The following PRICKLE4 variants were observed in gnomAD, a reference collection of about 807,000 sequenced individuals.
PRICKLE4 encodes the protein prickle-like protein 4.
PRICKLE4 carries 40 observed loss-of-function variants against 43.5 expected under a neutral mutation model. The ratio of observed to expected loss-of-function variants is 0.92; its 90% CI spans 0.71 to 1.20. The LOEUF (loss-of-function observed/expected upper bound fraction) is 1.20. Among genes scored for constraint, PRICKLE4 ranks in the 50% most tolerant of loss-of-function variants. PRICKLE4 has a pLI of 0.00. For synonymous variants in PRICKLE4, 208 were observed against 197.4 expected, an observed-to-expected ratio of 1.05 and a Z score of -0.45; for missense variants, 527 against 491.2, an observed-to-expected ratio of 1.07 and a Z score of -0.69.
intron 6 of PRICKLE4, 134 bp downstream of exon 6, chr6:41,785,674 C>T (rs1772631264): frequency 1.1e-6 from 1 of 949,052 alleles, no homozygotes; most frequent in Non-Finnish European, 1.5e-6. Context: ...CTGGGACTAC[C>T]AAGTTCCCTG....
Position 41,787,081 on chromosome 6 carries a change from C to T in PRICKLE4, c.1107C>T (p.Leu369=), listed in dbSNP as rs1772675019. ...LPQSWKTPGS[L]QAEDSNASKT... is the part of the protein sequence containing the mutation. ...AGTCCTGGAAGACCCCCGGAAGCCT[C>T]CAAGCAGAGGACAGCAACGCCTCTA... is the stretch of plus-strand genomic sequence containing the variant. Residue 369 remains leucine (L), a synonymous_variant, in exon 8 of 8, where the codon CTC becomes CTT. Coordinates refer to ENST00000458694, the MANE Select transcript of PRICKLE4 (RefSeq NM_013397.6). 6.2e-7 allele frequency: 1 copy of T among 1,612,462 alleles called. No homozygotes were observed. Among genetic ancestry groups the T allele is most frequent in the East Asian group, 2.2e-5 (1 of 44,850 alleles).
chr6:41,786,101 G>A, intron 6 of PRICKLE4, 27 bp from the exon 7 acceptor site: 2 of 1,595,474 alleles, frequency 1.3e-6, no homozygotes, highest in South Asian at 1.1e-5. Context: ...TGAATGAAAC[G>A]TTCCCCTCTC....
chr6:41,785,557 A>G lies in PRICKLE4; in HGVS notation c.582+17A>G, dbSNP rs1772629243. On this transcript the variant is annotated intron_variant, in intron 6 of 7. Transcript: ENST00000458694. Reference sequence around the variant, plus strand: ...TGTGACCAGGTACAGCCTGGAGGGGAGGAACTGGGGGTCTGCCCAGAGTCC... The same window carrying G: ...TGTGACCAGGTACAGCCTGGAGGGGGGGAACTGGGGGTCTGCCCAGAGTCC... 6.2e-7 allele frequency: 1 copy of G among 1,608,670 alleles called. No homozygotes were observed. Among genetic ancestry groups the G allele is most frequent in the African/African-American group, 1.3e-5 (1 of 74,870 alleles).
chr6:41,781,467 C>G lies in PRICKLE4; in HGVS notation c.-66C>G, dbSNP rs995827406. 15 of 152,834 alleles carry G rather than the reference C, an allele frequency of 9.8e-5. No individual in the cohort carries two copies. Among genetic ancestry groups the G allele is most frequent in the African/African-American group, 3.4e-4 (14 of 41,566 alleles). 9.5% of individuals were successfully genotyped at this position (152,834 alleles called of 1,614,324 possible). Reference sequence around the variant, plus strand: ...CTACTCCTGGTGTGAACAGCCCATCCTGGCCACCTTCCACAGGAAACCTGA... The same window carrying G: ...CTACTCCTGGTGTGAACAGCCCATCGTGGCCACCTTCCACAGGAAACCTGA... On this transcript the variant is annotated 5_prime_UTR_variant, in exon 2 of 8. Transcript: ENST00000458694.
rs142680199 is a variant in PRICKLE4 at position 41,786,553 on chromosome 6, G to C, written c.788-209G>C. On this transcript the variant is annotated intron_variant, in intron 7 of 7. Transcript: ENST00000458694. ...CGAACCCACCCCGCGCCGCGGTCGG[G>C]GTTGCGGCGCCAGACTCCCTCCCAG... is the stretch of plus-strand genomic sequence containing the variant. 402 of 1,038,562 alleles carry C rather than the reference G, an allele frequency of 3.9e-4. 1 individual carries two copies. In the African/African-American group the frequency reaches 5.6e-3, roughly 14 times the overall value. The allele number at this position is 1,038,562 out of a possible 1,614,324, so 64.3% of individuals were successfully genotyped here.
chr6:41,785,134 G>A, intron 5 of PRICKLE4, 62 bp downstream of exon 5: 1 of 1,597,480 alleles, frequency 6.3e-7, no homozygotes, highest in Non-Finnish European at 8.5e-7. Context: ...CATTTCTGCA[G>A]AAGGGGCTGG....
chr6:41,781,857 G>A (rs1772558773), intron 2 of PRICKLE4, among the ~76,000 whole-genome samples: 1 of 152,188 alleles, frequency 6.6e-6, no homozygotes, highest in Admixed American at 6.5e-5. Context: ...AGATTATTGT[G>A]AGGATGGACT....
At chr6:41,786,673 G>T in intron 7 of PRICKLE4, 89 bp from the exon 8 acceptor site, 2 of 1,590,598 alleles carry the variant, frequency 1.3e-6, no homozygotes, top group Non-Finnish European at 1.7e-6. Context: ...GCTGGGCGGG[G>T]CGGGAGGCTG....
At position 41,787,411 on chromosome 6, in the gene PRICKLE4, C is replaced by T; in HGVS notation, c.*282C>T. The T allele has an allele frequency of 1.6e-6, 1 of 607,852 alleles. No homozygotes were observed. The highest frequency in any genetic ancestry group is 2.8e-6 in the Non-Finnish European group (1 of 354,832). The allele number at this position is 607,852 out of a possible 1,614,324, so 37.7% of individuals were successfully genotyped here. A position where few individuals can be genotyped will look rare whatever the true frequency, so the allele number is the denominator to read the frequency against. ...CAGGCTGGGACAGCCCCGTCCCCAC[C>T]ATCCTCCTCCCAAGCCAATTAAATG... On this transcript the variant is annotated 3_prime_UTR_variant, in exon 8 of 8. Coordinates refer to ENST00000458694, the MANE Select transcript of PRICKLE4 (RefSeq NM_013397.6).
At position 41,787,109 on chromosome 6, in the gene PRICKLE4, A is replaced by G. The variant is rs1331676739; in HGVS notation, c.1135A>G (p.Thr379Ala). 2 of 1,607,338 alleles carry G rather than the reference A, an allele frequency of 1.2e-6. No individual in the cohort carries two copies. Among genetic ancestry groups the G allele is most frequent in the Admixed American group, 3.3e-5 (2 of 59,708 alleles). ...LQAEDSNASK[T>A]HCTMC is the part of the protein sequence containing the mutation. ...AGCAGAGGACAGCAACGCCTCTAAG[A>G]CGCACTGCACCATGTGCTAGTGGCG... is the stretch of plus-strand genomic sequence containing the variant. Residue 379 changes from threonine (T) to alanine (A), a missense_variant, in exon 8 of 8, where the codon ACG (threonine) becomes GCG (alanine). Coordinates refer to ENST00000458694, the MANE Select transcript of PRICKLE4 (RefSeq NM_013397.6).
intron 7 of PRICKLE4, 96 bp from the exon 8 acceptor site, chr6:41,786,666 G>C: frequency 6.3e-7 from 1 of 1,578,866 alleles, no homozygotes; most frequent in Non-Finnish European, 8.6e-7. Flanking sequence ...CCCAGGGGCT[G>C]GGCGGGGCGG....
At chr6:41,784,711 T>C (rs557378941) in intron 4 of PRICKLE4, 42 of 589,810 alleles carry the variant, frequency 7.1e-5, no homozygotes, top group South Asian at 7.1e-4. Context: ...TGTGGGCCTG[T>C]CAGGACCTGA....
In PRICKLE4 at chr6:41,787,289, C is replaced by G; in HGVS notation, c.*160C>G. 1 of 1,044,366 alleles carries G rather than the reference C, an allele frequency of 9.6e-7. No homozygotes were observed. The highest frequency in any genetic ancestry group is 1.3e-6 in the Non-Finnish European group (1 of 745,778). 64.7% of individuals were successfully genotyped at this position (1,044,366 alleles called of 1,614,324 possible). ...AGTTTGGAGTGCGCCCCCTTCAGTACTGCGCGTTCTAAGACTTTTGGCGGA... is the reference window on the plus strand; with the variant it reads ...AGTTTGGAGTGCGCCCCCTTCAGTAGTGCGCGTTCTAAGACTTTTGGCGGA... On this transcript the variant is annotated 3_prime_UTR_variant, in exon 8 of 8. Coordinates refer to ENST00000458694, the MANE Select transcript of PRICKLE4 (RefSeq NM_013397.6).
chr6:41,786,252 G>C lies in PRICKLE4; in HGVS notation c.707G>C (p.Cys236Ser), dbSNP rs1561896744. ...TATGCCCTGCCTGGGGGAAGCCCCTGCTGCCCCAGCTGCTTCGAGAACCGC... is the reference window on the plus strand; with the variant it reads ...TATGCCCTGCCTGGGGGAAGCCCCTCCTGCCCCAGCTGCTTCGAGAACCGC... ...GRYALPGGSP[C>S]CPSCFENRYS... The change falls in exon 7 of 8, where the codon TGC becomes TCC. Residue 236 changes from cysteine (C) to serine (S), a missense_variant. Physicochemically the swap from Cys to Ser is moderately radical, Grantham distance 112. Coordinates refer to ENST00000458694, the MANE Select transcript of PRICKLE4 (RefSeq NM_013397.6). 1 of 1,600,368 alleles carries C rather than the reference G, an allele frequency of 6.2e-7. No homozygotes were observed.
At chr6:41,784,087 G>C (rs1002741924) in intron 3 of PRICKLE4, 44 bp from the exon 4 acceptor site, 3 of 1,449,990 alleles carry the variant, frequency 2.1e-6, no homozygotes, top group Non-Finnish European at 2.9e-6. Flanking sequence ...AGAAAGGAAA[G>C]AAAAACCTAG....
intron 7 of PRICKLE4, 165 bp from the exon 8 acceptor site, chr6:41,786,597 C>T: frequency 6.4e-6 from 8 of 1,257,362 alleles, no homozygotes; most frequent in Non-Finnish European, 6.6e-6. Flanking sequence ...GGCGGACGCC[C>T]TCTGGTGGAG....
At position 41,786,876 on chromosome 6, in the gene PRICKLE4, G is replaced by C; in HGVS notation, c.902G>C (p.Gly301Ala). ...GGTTCCAGCCTGCAAACTCAGAGGG[G>C]GCTGCCTGGATCCAGTCCCCAGCAG... is the stretch of plus-strand genomic sequence containing the variant. ...AGGSSLQTQR[G>A]LPGSSPQQEN... The change falls in exon 8 of 8, where the codon GGG (glycine) becomes GCG (alanine). Residue 301 changes from glycine to alanine, a missense_variant. By Grantham distance (60) the Gly-to-Ala change is moderately conservative. Transcript: ENST00000458694. 1 of 1,607,546 alleles carries C rather than the reference G, an allele frequency of 6.2e-7. No individual in the cohort carries two copies. Among genetic ancestry groups the C allele is most frequent in the African/African-American group, 1.3e-5 (1 of 74,926 alleles).
At chr6:41,780,961 C>T in intron 1 of PRICKLE4, 135 bp downstream of exon 1, 1 of 164,654 alleles carries the variant, frequency 6.1e-6, no homozygotes, top group Non-Finnish European at 1.3e-5. Flanking sequence ...CTCTGGGGAT[C>T]TATCGAGAGG....
In PRICKLE4 at chr6:41,786,964, T is replaced by G. The variant is rs1361857091; in HGVS notation, c.990T>G (p.Thr330=). ...PKGQEQCRLE[T]IRDPKDTPFS... The stretch of plus-strand genomic sequence containing the variant: ...GGCAGGAGCAATGCCGCCTGGAGAC[T>G]ATTCGTGATCCCAAGGACACCCCTT... Residue 330 remains threonine (T), a synonymous_variant, in exon 8 of 8, where the codon ACT becomes ACG. Transcript: ENST00000458694. 1.9e-6 allele frequency: 3 copies of G among 1,613,954 alleles called. No individual in the cohort carries two copies. The highest frequency in any genetic ancestry group is 2.5e-6 in the Non-Finnish European group (3 of 1,179,984).
Sources: gnomAD v4.1 joint callset for allele counts (sites outside exome capture counted in the v4.1 genomes callset) on GRCh38, gnomAD v4.1.1 for gene constraint, MANE v1.5 for transcripts, NCBI Gene and HGNC (gene_info 2026-07-23, HGNC 2026-07-21) for gene names.